The following CLIP1 variants were observed in gnomAD, a reference collection of about 807,000 sequenced individuals.
The protein encoded by CLIP1 is CAP-Gly domain containing linker protein 1.
A neutral mutation model predicts 161.6 loss-of-function variants in CLIP1; 66 were observed. The ratio of observed to expected loss-of-function variants is 0.41; its 90% CI spans 0.33 to 0.50. The LOEUF (loss-of-function observed/expected upper bound fraction) is 0.50. CLIP1 is among the 20% of genes least tolerant of loss of function. CLIP1 has a pLI of 0.27. For synonymous variants in CLIP1, 598 were observed against 626.2 expected, an observed-to-expected ratio of 0.96 and a Z score of 0.67; for missense variants, 1,376 against 1,702.0, an observed-to-expected ratio of 0.81 and a Z score of 3.37.
chr12:122,381,129 C>T (rs1484606722), intron 1 of CLIP1, among the ~76,000 whole-genome samples: 1 of 152,140 alleles, frequency 6.6e-6, no homozygotes. Flanking sequence ...TAGCTCAGTA[C>T]AGTTCCTAAA....
chr12:122,412,843 C>G (rs1341838273), intron 1 of CLIP1, among the ~76,000 whole-genome samples: 1 of 151,898 alleles, frequency 6.6e-6, no homozygotes, highest in African/African-American at 2.4e-5. Flanking sequence ...CATCTTAAAA[C>G]TAATACATAA....
chr12:122,366,567 G>A (rs1954181799), intron 3 of CLIP1, among the ~76,000 whole-genome samples: 1 of 152,164 alleles, frequency 6.6e-6, no homozygotes, highest in East Asian at 1.9e-4. Context: ...TAGGCTGGGT[G>A]CGGTGGCTCA....
At chr12:122,357,294 T>G (rs1469235589) in intron 5 of CLIP1, among the ~76,000 whole-genome samples, 2 of 145,376 alleles carry the variant, frequency 1.4e-5, no homozygotes, top group Non-Finnish European at 3.0e-5. Flanking sequence ...GCCGCGACCC[T>G]GTCTGGGAGG....
intron 3 of CLIP1, among the ~76,000 whole-genome samples, chr12:122,376,273 T>C (rs890273309): frequency 6.6e-6 from 1 of 152,074 alleles, no homozygotes; most frequent in Non-Finnish European, 1.5e-5. Flanking sequence ...GGTCTCACTT[T>C]GTTGCCCAGG....
chr12:122,411,729 G>A (rs1458380663), intron 1 of CLIP1, among the ~76,000 whole-genome samples: 1 of 152,096 alleles, frequency 6.6e-6, no homozygotes, highest in Non-Finnish European at 1.5e-5. Flanking sequence ...TGCCCAGGCT[G>A]GCATCAAACT....
chr12:122,361,514 C>T (rs933199480), intron 4 of CLIP1, among the ~76,000 whole-genome samples: 7 of 152,254 alleles, frequency 4.6e-5, no homozygotes, highest in African/African-American at 1.4e-4. Context: ...TTAATAAAAC[C>T]GTGCCAAACA....
chr12:122,294,148 G>C (rs1950373171), intron 20 of CLIP1, among the ~76,000 whole-genome samples: 3 of 151,456 alleles, frequency 2.0e-5, no homozygotes, highest in African/African-American at 7.3e-5. Context: ...CTAACATGGT[G>C]AAACCCTGTC....
intron 20 of CLIP1, among the ~76,000 whole-genome samples, chr12:122,290,503 T>C (rs1415717365): frequency 6.6e-6 from 1 of 152,198 alleles, no homozygotes; most frequent in Admixed American, 6.5e-5. Flanking sequence ...ATTTATTCTT[T>C]AAAGAAGGAA....
chr12:122,358,181 G>C (rs1457652462), intron 5 of CLIP1, among the ~76,000 whole-genome samples: 4 of 151,556 alleles, frequency 2.6e-5, no homozygotes, highest in Admixed American at 6.6e-5. Context: ...TGTCCACTCA[G>C]GGTTAAATGG....
At chr12:122,340,364 C>A (rs1952444448) in intron 11 of CLIP1, among the ~76,000 whole-genome samples, 1 of 152,188 alleles carries the variant, frequency 6.6e-6, no homozygotes, top group South Asian at 2.1e-4. Flanking sequence ...CAGGCGTGAG[C>A]CACTGCGCCT....
Position 122,341,593 on chromosome 12 carries a change from C to T in CLIP1, c.1611G>A (p.Lys537=). 6.2e-7 allele frequency: 1 copy of T among 1,613,822 alleles called. No individual in the cohort carries two copies. Among genetic ancestry groups the T allele is most frequent in the East Asian group, 2.2e-5 (1 of 44,878 alleles). The change falls in exon 11 of 26, where the codon AAG becomes AAA. Residue 537 remains lysine, a synonymous_variant. Coordinates refer to ENST00000620786, the MANE Select transcript of CLIP1 (RefSeq NM_001247997.2). ...AELRRRLESN[K]PAGDVDMSLS... is the part of the protein sequence containing the mutation. ...GTGACATGTCCACATCCCCAGCAGG[C>T]TTATTGGACTCTAGCCTTCTTCGGA...
chr12:122,303,923 G>C (rs1414096732), intron 20 of CLIP1, among the ~76,000 whole-genome samples: 1 of 152,186 alleles, frequency 6.6e-6, no homozygotes, highest in Admixed American at 6.5e-5. Context: ...AGACGGACAA[G>C]AACTACACGC....
At chr12:122,304,835 T>C (rs922732499) in intron 20 of CLIP1, among the ~76,000 whole-genome samples, 1 of 152,196 alleles carries the variant, frequency 6.6e-6, no homozygotes, top group Non-Finnish European at 1.5e-5. Flanking sequence ...TGAGCCCAGA[T>C]TAAAATTATG....
intron 20 of CLIP1, among the ~76,000 whole-genome samples, chr12:122,304,014 C>T (rs1028341277): frequency 6.6e-5 from 10 of 152,184 alleles, no homozygotes; most frequent in African/African-American, 2.2e-4. Flanking sequence ...CTGCCTACTG[C>T]GGACTTATTA....
At chr12:122,360,263 AAAT>A (rs1302784269) in intron 5 of CLIP1, among the ~76,000 whole-genome samples, 3 of 152,116 alleles carry the variant, frequency 2.0e-5, no homozygotes, top group Non-Finnish European at 2.9e-5. Flanking sequence ...TCACTTCCTA[AAAT>A]TATTTGAAGT....
At position 122,328,424 on chromosome 12, in the gene CLIP1, T is replaced by A. The variant is rs2136237620; in HGVS notation, c.2870A>T (p.Asp957Val). 1 of 1,568,890 alleles carries A rather than the reference T, an allele frequency of 6.4e-7. No homozygotes were observed. The highest frequency in any genetic ancestry group is 8.6e-7 in the Non-Finnish European group (1 of 1,161,248). The change falls in exon 16 of 26, where the codon GAT (aspartate) becomes GTT (valine). Residue 957 changes from aspartate (D) to valine (V), a missense_variant and splice_region_variant. Around this residue, in one of 6 missense-constraint regions of CLIP1, gnomAD observed 948 missense variants for 1,134.8 expected, o/e 0.84. Coordinates refer to ENST00000620786, the MANE Select transcript of CLIP1 (RefSeq NM_001247997.2). Reference protein sequence around the residue: ...MNDELRLKERDVEELQLKLTK... With the variant: ...MNDELRLKERVVEELQLKLTK... ...AAGTTTTAGCTGTAATTCTTCTACATCTCTAGAAAAAGTTTCAATATAAGG... is the reference window on the plus strand; with the variant it reads ...AAGTTTTAGCTGTAATTCTTCTACAACTCTAGAAAAAGTTTCAATATAAGG...
intron 3 of CLIP1, among the ~76,000 whole-genome samples, chr12:122,372,653 C>T (rs902229385): frequency 2.0e-5 from 3 of 151,800 alleles, no homozygotes; most frequent in African/African-American, 4.8e-5. Flanking sequence ...CAAACCTCAT[C>T]GCAAAGGAAT....
chr12:122,286,520 TAAAAAAAAAAAAAAAAAAA>T (rs57260606), intron 21 of CLIP1, among the ~76,000 whole-genome samples: 1 of 28,246 alleles, frequency 3.5e-5, no homozygotes, highest in Non-Finnish European at 7.1e-5. Flanking sequence ...GACTCTGTCT[TAAAAAAAAAAAAAAAAAAA>T]AAAAAAAAAA....
intron 17 of CLIP1, 23 bp downstream of exon 17, chr12:122,327,924 G>A (rs1275181633): frequency 6.2e-7 from 1 of 1,610,526 alleles, no homozygotes; most frequent in Non-Finnish European, 8.5e-7. Flanking sequence ...TACAACACAA[G>A]GAAATTCTCT....
Sources: gnomAD v4.1 joint callset for allele counts (sites outside exome capture counted in the v4.1 genomes callset) on GRCh38, gnomAD v4.1.1 for gene constraint, gnomAD v4.1.1 regional missense constraint, MANE v1.5 for transcripts, NCBI Gene and HGNC (gene_info 2026-07-23, HGNC 2026-07-21) for gene names.